The following MALRD1 variants were observed in gnomAD, a reference collection of about 807,000 sequenced individuals.
The protein encoded by MALRD1 is MAM and LDL receptor class A domain containing 1, also known as MAM and LDL-receptor class A domain-containing protein 1.
Under a neutral mutation model 242.1 loss-of-function variants are expected in MALRD1, and 247 were observed. The ratio of observed to expected loss-of-function variants is 1.02; its 90% CI spans 0.92 to 1.13. MALRD1 has a LOEUF of 1.13. Among genes scored for constraint, MALRD1 ranks in the 50% most tolerant of loss-of-function variants. The pLI is 0.00. For missense variants in MALRD1, 2,989 were observed against 2,533.1 expected (o/e 1.18, Z -3.86); for synonymous variants, 995 against 866.6 (o/e 1.15, Z -2.60).
chr10:19,352,211 T>C lies in MALRD1; in HGVS notation c.4355T>C (p.Ile1452Thr). ...GTTGGGAAAGGTCAGCGTGGAGACA[T>C]TGCACTTGATGACATTGTGCTTACA... The part of the protein sequence containing the change: ...GRVGKGQRGD[I>T]ALDDIVLTEN... Residue 1452 changes from isoleucine to threonine, a missense_variant, in exon 26 of 40, where the codon ATT becomes ACT. Physicochemically the swap from Ile to Thr is moderately conservative, Grantham distance 89. Coordinates refer to ENST00000454679, the MANE Select transcript of MALRD1 (RefSeq NM_001142308.3). 2 of 1,550,426 alleles carry C rather than the reference T, an allele frequency of 1.3e-6. No individual in the cohort carries two copies. Among genetic ancestry groups the C allele is most frequent in the South Asian group, 1.2e-5 (1 of 84,060 alleles).
intron 28 of MALRD1, among the ~76,000 whole-genome samples, chr10:19,418,664 C>A (rs1833602540): frequency 6.6e-6 from 1 of 152,094 alleles, no homozygotes; most frequent in South Asian, 2.1e-4. Context: ...ATATTTTAAT[C>A]ATGAAATGTG....
At chr10:19,281,496 A>G (rs2499068) in intron 20 of MALRD1, among the ~76,000 whole-genome samples, 12,151 of 152,278 alleles carry the variant, frequency 0.08, 628 homozygotes, top group East Asian at 0.17. Flanking sequence ...AGTGCCTACT[A>G]TTAAGTTATT....
chr10:19,665,273 C>T (rs191948451), intron 36 of MALRD1, among the ~76,000 whole-genome samples: 12 of 152,094 alleles, frequency 7.9e-5, no homozygotes, highest in East Asian at 3.9e-4. Context: ...ACAAACAAAA[C>T]GGATTTTGAG....
chr10:19,062,158 A>C (rs1834841617), intron 1 of MALRD1, among the ~76,000 whole-genome samples: 1 of 152,208 alleles, frequency 6.6e-6, no homozygotes, highest in African/African-American at 2.4e-5. Flanking sequence ...TCCAATAAGC[A>C]CATGAAAAAA....
In MALRD1 at chr10:19,430,111, CTT is replaced by C. The variant is rs1156254998; in HGVS notation, c.4846-20176_4846-20175del. The stretch of plus-strand genomic sequence containing the variant: ...CTTTGCTTGGAATTTCTCCATTTTC[CTT>C]TTTTTTTTTTTTTTTTTTTGAGATG... On this transcript the variant is annotated intron_variant, in intron 28 of 39. Coordinates refer to ENST00000454679, the MANE Select transcript of MALRD1 (RefSeq NM_001142308.3). Among the ~76,000 whole-genome samples the C allele has an allele frequency of 2.6e-4, 22 of 83,520 alleles. No homozygotes were observed. In the East Asian group the frequency reaches 4.4e-3, roughly 17 times the overall value. The allele number at this position is 83,520 out of a possible 152,430, so 54.8% of individuals were successfully genotyped here. A position where few individuals can be genotyped will look rare whatever the true frequency, so the allele number is the denominator to read the frequency against.
chr10:19,672,069 A>G (rs1841947316), intron 36 of MALRD1, among the ~76,000 whole-genome samples: 1 of 151,956 alleles, frequency 6.6e-6, no homozygotes. Flanking sequence ...TAGGAGACTC[A>G]TTTTTCTTCC....
In MALRD1 at chr10:19,124,708, A is replaced by T. The variant is rs1837191693; in HGVS notation, c.943+38A>T. The T allele has an allele frequency of 2.4e-6, 3 of 1,230,476 alleles. No homozygotes were observed. In the East Asian group the frequency reaches 9.5e-5, roughly 39 times the overall value. 76.2% of individuals were successfully genotyped at this position (1,230,476 alleles called of 1,614,324 possible). A position where few individuals can be genotyped will look rare whatever the true frequency, so the allele number is the denominator to read the frequency against. On this transcript the variant is annotated intron_variant, in intron 7 of 39. Coordinates refer to ENST00000454679, the MANE Select transcript of MALRD1 (RefSeq NM_001142308.3). ...ATAATATCTTTTATGTATTACTTTC[A>T]GAATTCTGCTTTATGGTGACTAGTT... is the stretch of plus-strand genomic sequence containing the variant.
intron 12 of MALRD1, 52 bp from the exon 13 acceptor site, chr10:19,165,585 C>T (rs1257618821): frequency 1.7e-6 from 2 of 1,197,908 alleles, no homozygotes; most frequent in African/African-American, 1.6e-5. Context: ...GGAAAAACTA[C>T]CAGAGACAGG....
intron 8 of MALRD1, among the ~76,000 whole-genome samples, chr10:19,130,666 A>C (rs1334772615): frequency 6.7e-6 from 1 of 149,814 alleles, no homozygotes; most frequent in African/African-American, 2.5e-5. Flanking sequence ...TTAATTATGA[A>C]TGTATGTATT....
chr10:19,516,375 A>G (rs1345031582), intron 31 of MALRD1, among the ~76,000 whole-genome samples: 1 of 152,212 alleles, frequency 6.6e-6, no homozygotes, highest in African/African-American at 2.4e-5. Context: ...CACATACATA[A>G]CATATAGACA....
chr10:19,545,162 C>T (rs1835156020), intron 32 of MALRD1, among the ~76,000 whole-genome samples: 1 of 152,126 alleles, frequency 6.6e-6, no homozygotes. Context: ...ATATCTATCC[C>T]TCATGTTTCT....
At chr10:19,399,158 T>A (rs921338928) in intron 28 of MALRD1, among the ~76,000 whole-genome samples, 8 of 140,592 alleles carry the variant, frequency 5.7e-5, no homozygotes, top group South Asian at 2.1e-4. Context: ...TGCTGTCCAT[T>A]TGCCCACGGA....
At chr10:19,400,306 C>T (rs1216543042) in intron 28 of MALRD1, among the ~76,000 whole-genome samples, 2 of 152,278 alleles carry the variant, frequency 1.3e-5, no homozygotes, top group East Asian at 1.9e-4. Context: ...TCATGTGCTA[C>T]ATTCTTGGCA....
chr10:19,106,281 T>C (rs1836460038), intron 5 of MALRD1, among the ~76,000 whole-genome samples: 2 of 152,000 alleles, frequency 1.3e-5, no homozygotes, highest in Admixed American at 1.3e-4. Context: ...TTTGCTAGAA[T>C]TTAGTAGTGA....
chr10:19,347,700 G>A (rs1844193270), intron 24 of MALRD1, 71 bp from the exon 25 acceptor site: 30 of 1,496,628 alleles, frequency 2.0e-5, no homozygotes, highest in Non-Finnish European at 2.6e-5. Flanking sequence ...GATCACTGCA[G>A]TTTTGAATTG....
intron 19 of MALRD1, among the ~76,000 whole-genome samples, chr10:19,278,380 A>G (rs888943965): frequency 1.3e-5 from 2 of 151,988 alleles, no homozygotes; most frequent in African/African-American, 2.4e-5. Flanking sequence ...TTTTCTTTCA[A>G]TACACTGTGA....
chr10:19,650,828 G>A lies in MALRD1; in HGVS notation c.6137+34905G>A, dbSNP rs114579758. ...TCAGGCTCTCCGAGCTGCCTCCTTT[G>A]TCTCCTATTAGGTTTAGTATCAGCG... On this transcript the variant is annotated intron_variant, in intron 36 of 39. Coordinates refer to ENST00000454679, the MANE Select transcript of MALRD1 (RefSeq NM_001142308.3). Among the ~76,000 whole-genome samples, 1,411 of 152,198 alleles carry A rather than the reference G, an allele frequency of 9.3e-3. 19 individuals are homozygous for A. Among genetic ancestry groups the A allele is most frequent in the African/African-American group, 0.032 (1,322 of 41,530 alleles).
At chr10:19,429,972 C>A (rs571069936) in intron 28 of MALRD1, among the ~76,000 whole-genome samples, 9 of 152,100 alleles carry the variant, frequency 5.9e-5, no homozygotes, top group African/African-American at 2.2e-4. Flanking sequence ...GTCATTACTT[C>A]TTAAGGTCTT....
intron 10 of MALRD1, among the ~76,000 whole-genome samples, chr10:19,144,269 G>A (rs1448734579): frequency 6.6e-6 from 1 of 152,314 alleles, no homozygotes; most frequent in East Asian, 1.9e-4. Flanking sequence ...GTCAGCTCTT[G>A]TATCTGCAGG....
Sources: gnomAD v4.1 joint callset for allele counts (sites outside exome capture counted in the v4.1 genomes callset) on GRCh38, gnomAD v4.1.1 for gene constraint, MANE v1.5 for transcripts, NCBI Gene and HGNC (gene_info 2026-07-23, HGNC 2026-07-21) for gene names.